The following C1orf35 variants were observed in gnomAD, a reference collection of about 807,000 sequenced individuals.
C1orf35 encodes the protein multiple myeloma tumor-associated protein 2.
A neutral mutation model predicts 30.9 loss-of-function variants in C1orf35; 36 were observed. That is an observed-to-expected ratio of 1.16 (90% CI 0.89 to 1.54). The LOEUF (loss-of-function observed/expected upper bound fraction) is 1.54. Among genes scored for constraint, C1orf35 ranks in the 40% most tolerant of loss-of-function variants. C1orf35 has a pLI of 0.00. For synonymous variants in C1orf35, 179 were observed against 148.2 expected (o/e 1.21, Z -1.51); for missense variants, 396 against 358.7 (o/e 1.10, Z -0.84).
Position 228,101,150 on chromosome 1 carries a change from T to A in C1orf35, c.773A>T (p.Asp258Val). 6.2e-7 allele frequency: 1 copy of A among 1,613,774 alleles called. No homozygotes were observed. ...DRRSPSRRWH[D>V]RGSEA ...CAGCCATCAGGCCTCAGAGCCTCTG[T>A]CATGCCACCTGCGAGACGGGCTCCT... The change falls in exon 8 of 8, where the codon GAC (aspartate) becomes GTC (valine). Residue 258 changes from aspartate to valine, a missense_variant. By Grantham distance (152) the Asp-to-Val change is radical. Transcript: ENST00000272139.
Position 228,102,496 on chromosome 1 carries a change from A to G in C1orf35, c.356T>C (p.Leu119Pro). The G allele has an allele frequency of 6.4e-7, 1 of 1,558,374 alleles. No individual in the cohort carries two copies. Among genetic ancestry groups the G allele is most frequent in the Non-Finnish European group, 8.7e-7 (1 of 1,155,328 alleles). ...DPEEKGVDRL[L>P]GLGSASGSVG... ...CCCGCACCTTGCGCTCCCCAGCCCC[A>G]GCAGCCGGTCCACGCCCTTCTCCTC... The change falls in exon 4 of 8, where the codon CTG becomes CCG. Residue 119 changes from leucine to proline, a missense_variant. Leu to Pro is a moderately conservative substitution (Grantham distance 98). Coordinates refer to ENST00000272139, the MANE Select transcript of C1orf35 (RefSeq NM_024319.4).
In C1orf35 at chr1:228,101,581, A is replaced by C. The variant is rs371277178; in HGVS notation, c.534-108T>G. The C allele has an allele frequency of 3.5e-5, 53 of 1,528,460 alleles. 1 individual carries two copies. In the East Asian group the frequency reaches 1.0e-3, roughly 29 times the overall value. The allele number at this position is 1,528,460 out of a possible 1,614,324, so 94.7% of individuals were successfully genotyped here. On this transcript the variant is annotated intron_variant, in intron 6 of 7. Coordinates refer to ENST00000272139, the MANE Select transcript of C1orf35 (RefSeq NM_024319.4). ...AGCCACCACCCACAAGTGCGTCTTT[A>C]AATCAGTTAAATCAAACTACAAATT...
In C1orf35 at chr1:228,102,659, G is replaced by A. The variant is rs752413496; in HGVS notation, c.275C>T (p.Thr92Met). The A allele has an allele frequency of 6.2e-6, 10 of 1,607,828 alleles. No individual in the cohort carries two copies. In the Admixed American group the frequency reaches 1.2e-4, roughly 19 times the overall value. The change falls in exon 3 of 8, where the codon ACG becomes ATG. Residue 92 changes from threonine to methionine, a missense_variant. By Grantham distance (81) the Thr-to-Met change is moderately conservative. Coordinates refer to ENST00000272139, the MANE Select transcript of C1orf35 (RefSeq NM_024319.4). Reference sequence around the variant, plus strand: ...GGGAGTTACCTCCTTGCTCAGGCCCGTGGGCTGCTTCTTCACGTTCTTGTA... The same window carrying A: ...GGGAGTTACCTCCTTGCTCAGGCCCATGGGCTGCTTCTTCACGTTCTTGTA... ...LGYKNVKKQP[T>M]GLSKEDFAEV...
Position 228,102,344 on chromosome 1 carries a change from T to C in C1orf35, c.413A>G (p.Lys138Arg), listed in dbSNP as rs750207588. 2.5e-6 allele frequency: 4 copies of C among 1,611,550 alleles called. No individual in the cohort carries two copies. In the Admixed American group the frequency reaches 5.0e-5, roughly 20 times the overall value. ...VGRVAMSRED[K>R]EAAKLGLSVF... ...AGACAGCCCCAGTTTGGCGGCCTCC[T>C]TGTCCTCTCGGGACATCGCCACGCG... Residue 138 changes from lysine to arginine, a missense_variant, in exon 5 of 8, where the codon AAG (lysine) becomes AGG (arginine). Coordinates refer to ENST00000272139, the MANE Select transcript of C1orf35 (RefSeq NM_024319.4).
chr1:228,101,863 G>A (rs1558090780), intron 6 of C1orf35: 3 of 1,416,896 alleles, frequency 2.1e-6, no homozygotes, highest in African/African-American at 2.9e-5. Flanking sequence ...CACAGCGCCC[G>A]ACCACTGCCA....
rs749688647 is a variant in C1orf35, at chr1:228,101,212, G to A, written c.711C>T (p.Cys237=). 1.9e-6 allele frequency: 3 copies of A among 1,614,182 alleles called. No homozygotes were observed. Among genetic ancestry groups the A allele is most frequent in the Non-Finnish European group, 1.7e-6 (2 of 1,180,038 alleles). The part of the protein sequence containing the change: ...HHHDSDSNSP[C]CKRRKRGHSG... ...TGTGTCCCCGCTTCCTCCTCTTACA[G>A]CAGGGGGAGTTGGAGTCGGAGTCAT... The change falls in exon 8 of 8, where the codon TGC becomes TGT. Residue 237 remains cysteine (C), a synonymous_variant. Coordinates refer to ENST00000272139, the MANE Select transcript of C1orf35 (RefSeq NM_024319.4).
At chr1:228,102,265 C>T (rs757053740) in intron 5 of C1orf35, 45 bp downstream of exon 5, 17 of 1,598,684 alleles carry the variant, frequency 1.1e-5, no homozygotes, top group Middle Eastern at 1.8e-4. Flanking sequence ...CGCCCCGCCC[C>T]ACCCCTGTTA....
intron 5 of C1orf35, 54 bp from the exon 6 acceptor site, chr1:228,102,219 C>A (rs901749116): frequency 7.0e-6 from 11 of 1,561,812 alleles, no homozygotes; most frequent in South Asian, 2.3e-5. Flanking sequence ...CCACACCACG[C>A]CCCGCAGCGC....
In C1orf35 at chr1:228,101,473, A is replaced by C. The variant is rs537290781; in HGVS notation, c.534T>G (p.Ser178Arg). ...KPRAEDQTES[S>R]CESHRKSKKE... The stretch of plus-strand genomic sequence containing the variant: ...TCTTGCTTTTCCTGTGGCTCTCACA[A>C]CTACAAGGAGGATACAAGGTGTGCC... The change falls in exon 7 of 8, where the codon AGT (serine) becomes AGG (arginine). Residue 178 changes from serine to arginine, a missense_variant and splice_region_variant. Ser to Arg is a moderately radical substitution (Grantham distance 110). Coordinates refer to ENST00000272139, the MANE Select transcript of C1orf35 (RefSeq NM_024319.4). 6.2e-7 allele frequency: 1 copy of C among 1,611,820 alleles called. No individual in the cohort carries two copies.
Position 228,103,315 on chromosome 1 carries a change from G to A in C1orf35, c.-88C>T, listed in dbSNP as rs909511612. 6.8e-6 allele frequency: 10 copies of A among 1,466,212 alleles called. No homozygotes were observed. The African/African-American group carries it at 1.4e-4, about 21-fold the overall frequency. The allele number at this position is 1,466,212 out of a possible 1,614,324, so 90.8% of individuals were successfully genotyped here. On this transcript the variant is annotated 5_prime_UTR_variant, in exon 1 of 8. Transcript: ENST00000272139. ...CCGCTACCCACTACCGTCGGACCCA[G>A]GCCCGACCCCGCCTCCGCGTCGCGC...
Position 228,101,478 on chromosome 1 carries a change from AAGG to A in C1orf35, c.534-8_534-6del, listed in dbSNP as rs767336916. Reference sequence around the variant, plus strand: ...CTTTTCCTGTGGCTCTCACAACTACAAGGAGGATACAAGGTGTGCCTCAGACCC... The same window carrying A: ...CTTTTCCTGTGGCTCTCACAACTACAAGGATACAAGGTGTGCCTCAGACCC... On this transcript the variant is annotated splice_polypyrimidine_tract_variant and splice_region_variant and intron_variant, in intron 6 of 7. Transcript: ENST00000272139. 8 of 1,611,478 alleles carry A rather than the reference AAGG, an allele frequency of 5.0e-6. No homozygotes were observed. In the Admixed American group the frequency reaches 6.7e-5, roughly 13 times the overall value.
In C1orf35 at chr1:228,101,125, C is replaced by T; in HGVS notation, c.*6G>A. 1.9e-6 allele frequency: 3 copies of T among 1,612,414 alleles called. No homozygotes were observed. The highest frequency in any genetic ancestry group is 2.5e-6 in the Non-Finnish European group (3 of 1,180,038). Reference sequence around the variant, plus strand: ...TCCCACAACAGCAGTGAGCAGGGTCCAGCCATCAGGCCTCAGAGCCTCTGT... The same window carrying T: ...TCCCACAACAGCAGTGAGCAGGGTCTAGCCATCAGGCCTCAGAGCCTCTGT... On this transcript the variant is annotated 3_prime_UTR_variant, in exon 8 of 8. Coordinates refer to ENST00000272139, the MANE Select transcript of C1orf35 (RefSeq NM_024319.4).
rs2124863078 is a variant in C1orf35 at position 228,100,865 on chromosome 1, A to G, written c.*266T>C. On this transcript the variant is annotated 3_prime_UTR_variant, in exon 8 of 8. Coordinates refer to ENST00000272139, the MANE Select transcript of C1orf35 (RefSeq NM_024319.4). ...CATGGGCAGGACACAGAGGGAGTCC[A>G]GCCTCTACTGATAAATCTGGGCAGG... is the stretch of plus-strand genomic sequence containing the variant. 2 of 540,958 alleles carry G rather than the reference A, an allele frequency of 3.7e-6. No homozygotes were observed. The highest frequency in any genetic ancestry group is 3.3e-6 in the Non-Finnish European group (1 of 301,468). 33.5% of individuals were successfully genotyped at this position (540,958 alleles called of 1,614,324 possible). A position where few individuals can be genotyped will look rare whatever the true frequency, so the allele number is the denominator to read the frequency against.
rs1300564475 is a variant in C1orf35, at chr1:228,102,631, C to T, written c.291+12G>A. 21 of 1,600,808 alleles carry T rather than the reference C, an allele frequency of 1.3e-5. No individual in the cohort carries two copies. Among genetic ancestry groups the T allele is most frequent in the Non-Finnish European group, 1.7e-5 (20 of 1,175,708 alleles). On this transcript the variant is annotated intron_variant, in intron 3 of 7. Transcript: ENST00000272139. ...CACGGCCCTCCACGCGCCCCCCACC[C>T]CGGGGAGTTACCTCCTTGCTCAGGC...
rs1229270574 is a variant in C1orf35, at chr1:228,102,363, C to A, written c.394G>T (p.Ala132Ser). 1 of 1,610,954 alleles carries A rather than the reference C, an allele frequency of 6.2e-7. No homozygotes were observed. Among genetic ancestry groups the A allele is most frequent in the Non-Finnish European group, 8.5e-7 (1 of 1,179,556 alleles). ...GSASGSVGRV[A>S]MSREDKEAAK... ...GCCTCCTTGTCCTCTCGGGACATCG[C>A]CACGCGGCCCACGGAGCCACTGCAG... is the stretch of plus-strand genomic sequence containing the variant. Residue 132 changes from alanine (A) to serine (S), a missense_variant, in exon 5 of 8, where the codon GCG becomes TCG. Physicochemically the swap from Ala to Ser is moderately conservative, Grantham distance 99 (BLOSUM62 1). Coordinates refer to ENST00000272139, the MANE Select transcript of C1orf35 (RefSeq NM_024319.4).
chr1:228,102,311 G>C lies in C1orf35; in HGVS notation c.446C>G (p.Thr149Arg). The C allele has an allele frequency of 6.2e-7, 1 of 1,611,100 alleles. No homozygotes were observed. Among genetic ancestry groups the C allele is most frequent in the Non-Finnish European group, 8.5e-7 (1 of 1,179,614 alleles). Residue 149 changes from threonine (T) to arginine (R), a missense_variant and splice_region_variant, in exon 5 of 8, where the codon ACG becomes AGG. Transcript: ENST00000272139. ...CGGTCAGGCGGGGCGGGGGATTACC[G>C]TGAACACAGACAGCCCCAGTTTGGC... is the stretch of plus-strand genomic sequence containing the variant. ...EAAKLGLSVF[T>R]HHRVESGGPG...
chr1:228,102,801 G>T (rs2033009246), intron 2 of C1orf35, 98 bp downstream of exon 2: 2 of 1,374,018 alleles, frequency 1.5e-6, no homozygotes, highest in Non-Finnish European at 1.9e-6. Flanking sequence ...CCGCAGCCCC[G>T]CTCCCGCCCA....
rs769773265 is a variant in C1orf35 at position 228,102,719 on chromosome 1, G to A, written c.246-31C>T. On this transcript the variant is annotated intron_variant, in intron 2 of 7. Coordinates refer to ENST00000272139, the MANE Select transcript of C1orf35 (RefSeq NM_024319.4). ...AGAGGGCCGGGGCAGGCGTCAGGAC[G>A]GACGGACCTCCTCCCACCACAGGTC... The A allele has an allele frequency of 8.2e-6, 13 of 1,594,984 alleles. No individual in the cohort carries two copies. In the South Asian group the frequency reaches 1.2e-4, roughly 15 times the overall value.
Position 228,103,248 on chromosome 1 carries a change from C to T in C1orf35, c.-21G>A. On this transcript the variant is annotated 5_prime_UTR_variant, in exon 1 of 8. Transcript: ENST00000272139. Reference sequence around the variant, plus strand: ...AACATGGCGCCGGGAAGGCAGTTGCCTGGGGCCTGCGGCTTGCAACCTGCA... The same window carrying T: ...AACATGGCGCCGGGAAGGCAGTTGCTTGGGGCCTGCGGCTTGCAACCTGCA... 6.2e-7 allele frequency: 1 copy of T among 1,607,976 alleles called. No homozygotes were observed. The highest frequency in any genetic ancestry group is 8.5e-7 in the Non-Finnish European group (1 of 1,178,414).
Sources: allele counts gnomAD v4.1 joint callset, GRCh38; gene constraint gnomAD v4.1.1; transcripts MANE v1.5; gene names NCBI Gene and HGNC (gene_info 2026-07-23, HGNC 2026-07-21).